PIN4: variants seen among roughly 807,000 people sequenced by gnomAD.
PIN4 encodes the protein peptidyl-prolyl cis-trans isomerase NIMA-interacting 4.
PIN4 carries 3 observed loss-of-function variants against 8.3 expected under a neutral mutation model. That is an observed-to-expected ratio of 0.36 (90% CI 0.16 to 0.93). The LOEUF (loss-of-function observed/expected upper bound fraction) is 0.93. PIN4 is among the 40% of genes least tolerant of loss of function. The pLI, the probability that PIN4 is intolerant of heterozygous loss-of-function variation, is 0.44. For missense variants in PIN4, 75 were observed against 100.6 expected (o/e 0.75, Z 1.09); for synonymous variants, 18 against 32.5 (o/e 0.55, Z 1.52).
intron 3 of PIN4, among the ~76,000 whole-genome samples, chrX:72,236,295 ATCTTTTTTT>A (rs1293317945): frequency 3.6e-5 from 4 of 110,901 alleles, no homozygotes; most frequent in Admixed American, 9.6e-5. Context: ...CTCTACAAAA[ATCTTTTTTT>A]TCTTTTTTTT....
At chrX:72,247,199 C>T (rs2043070248) in intron 3 of PIN4, among the ~76,000 whole-genome samples, 1 of 111,885 alleles carries the variant, frequency 8.9e-6, no homozygotes, top group Non-Finnish European at 1.9e-5. Flanking sequence ...ACCCCTGTCT[C>T]CCTTTTATAC....
chrX:72,185,777 A>T (rs756584967), intron 1 of PIN4, among the ~76,000 whole-genome samples: 1 of 112,594 alleles, frequency 8.9e-6, no homozygotes, highest in African/African-American at 3.2e-5. Context: ...AGAAATTTGG[A>T]CATGAATGTA....
intron 3 of PIN4, among the ~76,000 whole-genome samples, chrX:72,247,796 G>A (rs1455100661): frequency 8.9e-6 from 1 of 112,357 alleles, no homozygotes. Flanking sequence ...GAGCCTAGGG[G>A]CCCTCATGGG....
rs753789117 is a variant in PIN4 at position 72,239,633 on chromosome X, G to A, written c.313-23074G>A. Among the ~76,000 whole-genome samples, 4 of 110,285 alleles carry A rather than the reference G, an allele frequency of 3.6e-5. No homozygotes were observed. The South Asian group carries it at 1.2e-3, about 32-fold the overall frequency. On this transcript the variant is annotated intron_variant, in intron 3 of 3. Coordinates refer to the PIN4 transcript ENST00000423432. ...TAAAAATACAAAAAATTAGCCGGGCGTGGTGGCGGGCGCCCGCAGTCCCAG... is the reference window on the plus strand; with the variant it reads ...TAAAAATACAAAAAATTAGCCGGGCATGGTGGCGGGCGCCCGCAGTCCCAG...
At chrX:72,247,995 T>G (rs187294040) in intron 3 of PIN4, among the ~76,000 whole-genome samples, 175 of 111,401 alleles carry the variant, frequency 1.6e-3, no homozygotes, top group African/African-American at 5.4e-3. Context: ...CTTAGAACCA[T>G]GTCTTCCATC....
rs1042852381 is a variant in PIN4 at position 72,220,760 on chromosome X, A to C, written c.312+23856A>C. Among the ~76,000 whole-genome samples, 4 of 111,938 alleles carry C rather than the reference A, an allele frequency of 3.6e-5. No individual in the cohort carries two copies. The Admixed American group carries it at 3.8e-4, about 11-fold the overall frequency. ...CACCCTAAAACCAATATATACTGTT[A>C]GTCTGTAAGAGAAAGCACTCCTGAC... On this transcript the variant is annotated intron_variant, in intron 3 of 3. Coordinates refer to the PIN4 transcript ENST00000423432.
chrX:72,256,438 T>TCC (rs1265015560), intron 3 of PIN4, among the ~76,000 whole-genome samples: 2 of 111,789 alleles, frequency 1.8e-5, no homozygotes, highest in African/African-American at 6.5e-5. Context: ...CAGCTCAAAG[T>TCC]CGGCAGAGAA....
intron 3 of PIN4, among the ~76,000 whole-genome samples, chrX:72,252,091 C>T (rs962937352): frequency 2.7e-5 from 3 of 111,114 alleles, no homozygotes; most frequent in Admixed American, 9.6e-5. Flanking sequence ...TGTACTCTCA[C>T]TTGAGGGAGA....
chrX:72,252,729 G>A (rs1316161602), intron 3 of PIN4, among the ~76,000 whole-genome samples: 2 of 111,752 alleles, frequency 1.8e-5, no homozygotes, highest in Non-Finnish European at 3.8e-5. Context: ...TCCTATTCAT[G>A]AGGGCTTCAC....
chrX:72,239,831 C>T (rs1220908844), intron 3 of PIN4, among the ~76,000 whole-genome samples: 1 of 104,723 alleles, frequency 9.5e-6, no homozygotes, highest in African/African-American at 3.5e-5. Context: ...TTATCCTAGC[C>T]TTTTGGGAGG....
upstream of PIN4, chrX:72,181,685 G>A (rs2042672614): frequency 2.3e-6 from 2 of 859,846 alleles, no homozygotes; most frequent in African/African-American, 3.8e-5. Flanking sequence ...CAATTGAGAT[G>A]CGGCTTTCAG....
chrX:72,259,724 C>CTTTTTT (rs761255706), intron 3 of PIN4, among the ~76,000 whole-genome samples: 5 of 69,060 alleles, frequency 7.2e-5, no homozygotes, highest in Non-Finnish European at 1.3e-4. Flanking sequence ...AGGCCATATC[C>CTTTTTT]TTTTTTTTTT....
At chrX:72,227,559 C>T (rs943480555) in intron 3 of PIN4, among the ~76,000 whole-genome samples, 1 of 111,561 alleles carries the variant, frequency 9.0e-6, no homozygotes, top group Non-Finnish European at 1.9e-5. Flanking sequence ...TCAAACACCA[C>T]CTCTACCAAC....
In PIN4 at chrX:72,243,365, G is replaced by T. The variant is rs189644859; in HGVS notation, c.313-19342G>T. 2.7e-5 allele frequency among the ~76,000 whole-genome samples: 3 copies of T among 110,108 alleles called. No individual in the cohort carries two copies. The South Asian group carries it at 1.1e-3, about 41-fold the overall frequency. Reference sequence around the variant, plus strand: ...CCTAATTATTGTTAATTTTAAAAGGGTGATAATGGTATTGCTGTTTTTTTT... The same window carrying T: ...CCTAATTATTGTTAATTTTAAAAGGTTGATAATGGTATTGCTGTTTTTTTT... On this transcript the variant is annotated intron_variant, in intron 3 of 3. Coordinates refer to the PIN4 transcript ENST00000423432.
intron 3 of PIN4, among the ~76,000 whole-genome samples, chrX:72,230,170 G>A (rs1602450925): frequency 1.9e-5 from 2 of 107,189 alleles, no homozygotes; most frequent in Admixed American, 2.0e-4. Context: ...GCAAGACTCC[G>A]ACTCAAAAAA....
intron 3 of PIN4, among the ~76,000 whole-genome samples, chrX:72,241,071 C>T (rs751484513): frequency 5.4e-5 from 6 of 110,570 alleles, no homozygotes; most frequent in South Asian, 3.9e-4. Context: ...AGGGCAGTGG[C>T]GGGAAATGAG....
chrX:72,261,024 G>A (rs922485008), intron 3 of PIN4, among the ~76,000 whole-genome samples: 9 of 111,712 alleles, frequency 8.1e-5, no homozygotes, highest in African/African-American at 2.3e-4. Flanking sequence ...TTAGCCGGGC[G>A]CGGTGGCTCA....
chrX:72,250,387 A>G (rs1399101916), intron 3 of PIN4, among the ~76,000 whole-genome samples: 1 of 111,010 alleles, frequency 9.0e-6, no homozygotes, highest in Admixed American at 9.7e-5. Flanking sequence ...ACTTGATCCC[A>G]GGAGTTCAAG....
At chrX:72,190,088 C>A (rs946282182) in intron 2 of PIN4, among the ~76,000 whole-genome samples, 2 of 110,998 alleles carry the variant, frequency 1.8e-5, no homozygotes, top group African/African-American at 6.6e-5. Context: ...TCCTCACAGA[C>A]CCCCAAGCCC....
Sources: allele counts gnomAD v4.1 joint callset (sites outside exome capture counted in the v4.1 genomes callset), GRCh38; gene constraint gnomAD v4.1.1; transcripts MANE v1.5; gene names NCBI Gene and HGNC (gene_info 2026-07-23, HGNC 2026-07-21).